The following TGFBR3 variants were observed in gnomAD, a reference collection of about 807,000 sequenced individuals.
TGFBR3 encodes the protein transforming growth factor beta receptor type 3.
A neutral mutation model predicts 87.9 loss-of-function variants in TGFBR3; 46 were observed. The ratio of observed to expected loss-of-function variants is 0.52; its 90% CI spans 0.41 to 0.67. The LOEUF (loss-of-function observed/expected upper bound fraction) is 0.67, where lower values mean the gene tolerates loss of function less well. Ranked by LOEUF, TGFBR3 falls within the 30% of genes least tolerant of loss-of-function variation. The probability of loss-of-function intolerance (pLI) is 0.00; values close to 1 mark genes in which losing one functional copy is unlikely to be tolerated. For missense variants in TGFBR3, 866 were observed against 1,041.9 expected, an observed-to-expected ratio of 0.83 and a Z score of 2.32; for synonymous variants, 381 against 391.6, an observed-to-expected ratio of 0.97 and a Z score of 0.32.
At chr1:91,748,079 C>G (rs989960056) in intron 4 of TGFBR3, among the ~76,000 whole-genome samples, 1 of 152,152 alleles carries the variant, frequency 6.6e-6, no homozygotes, top group Non-Finnish European at 1.5e-5. Flanking sequence ...GACCTAACAA[C>G]AGTTTGGGAA....
chr1:91,707,167 A>T (rs1425087762), intron 14 of TGFBR3, among the ~76,000 whole-genome samples: 2 of 152,192 alleles, frequency 1.3e-5, no homozygotes, highest in African/African-American at 2.4e-5. Flanking sequence ...GAGAAAATGA[A>T]ACCCAAAGAG....
chr1:91,718,462 C>T (rs537866325), intron 10 of TGFBR3, among the ~76,000 whole-genome samples: 1 of 139,338 alleles, frequency 7.2e-6, no homozygotes, highest in South Asian at 2.5e-4. Context: ...TAAGAAGACA[C>T]CCCCCCTCCC....
At position 91,722,164 on chromosome 1, in the gene TGFBR3, A is replaced by AG. The variant is rs556318826; in HGVS notation, c.886-21_886-20insC. 7.5e-4 allele frequency: 1,208 copies of AG among 1,607,938 alleles called. No individual in the cohort carries two copies. The highest frequency in any genetic ancestry group is 8.7e-4 in the Non-Finnish European group (1,021 of 1,174,996). ...AGGAGCCTGAAGATATAGCAAAAAA[A>AG]TCACTCATGAGTCTAAAATTAAACA... On this transcript the variant is annotated intron_variant, in intron 7 of 16. Coordinates refer to ENST00000212355, the MANE Select transcript of TGFBR3 (RefSeq NM_003243.5).
At position 91,688,704 on chromosome 1, in the gene TGFBR3, C is replaced by A. The variant is rs116636258; in HGVS notation, c.2438-4847G>T. On this transcript the variant is annotated intron_variant, in intron 16 of 16. Coordinates refer to ENST00000212355, the MANE Select transcript of TGFBR3 (RefSeq NM_003243.5). ...CAACTCATCAGGCAGTTTTCAACAA[C>A]CCTCCATGGAACACACCATGTGTTC... Among the ~76,000 whole-genome samples the A allele has an allele frequency of 4.1e-3, 620 of 152,196 alleles. 4 individuals carry two copies. The highest frequency in any genetic ancestry group is 6.6e-3 in the Non-Finnish European group (448 of 68,012).
chr1:91,761,736 T>C (rs1224580501), intron 3 of TGFBR3, among the ~76,000 whole-genome samples: 2 of 151,562 alleles, frequency 1.3e-5, no homozygotes, highest in Non-Finnish European at 2.9e-5. Flanking sequence ...CCTGGCTAAG[T>C]TGCTCAATTT....
At chr1:91,847,065 C>T (rs1184185708) in intron 2 of TGFBR3, among the ~76,000 whole-genome samples, 1 of 152,196 alleles carries the variant, frequency 6.6e-6, no homozygotes, top group African/African-American at 2.4e-5. Context: ...TCTCCAAAAA[C>T]AGTGATGAGG....
At chr1:91,786,764 A>G (rs1419636104) in intron 3 of TGFBR3, among the ~76,000 whole-genome samples, 2 of 150,854 alleles carry the variant, frequency 1.3e-5, no homozygotes, top group African/African-American at 4.9e-5. Context: ...AAAAAAAGAC[A>G]AAAAAAAAGA....
chr1:91,775,664 T>C (rs779630192), intron 3 of TGFBR3, among the ~76,000 whole-genome samples: 5 of 152,182 alleles, frequency 3.3e-5, no homozygotes, highest in Non-Finnish European at 7.3e-5. Flanking sequence ...CAAGAATATC[T>C]CCTGGGCACT....
chr1:91,899,879 G>A (rs1679653389), intron 1 of TGFBR3, among the ~76,000 whole-genome samples: 1 of 151,452 alleles, frequency 6.6e-6, no homozygotes, highest in South Asian at 2.1e-4. Context: ...TTAGCCAGGA[G>A]TTGAAGACTA....
At position 91,875,790 on chromosome 1, in the gene TGFBR3, G is replaced by C. The variant is rs1162479125; in HGVS notation, c.-114+10088C>G. 1.7e-4 allele frequency among the ~76,000 whole-genome samples: 10 copies of C among 58,898 alleles called. 2 individuals carry two copies. Among genetic ancestry groups the C allele is most frequent in the African/African-American group, 2.9e-4 (6 of 20,886 alleles). The allele number at this position is 58,898 out of a possible 152,430, so 38.6% of individuals were successfully genotyped here. ...GTAATCCCAGCTACTCGGGCGGGGGGGGGGGGTGGGAGTGTGCAGCTGAGG... is the reference window on the plus strand; with the variant it reads ...GTAATCCCAGCTACTCGGGCGGGGGCGGGGGGTGGGAGTGTGCAGCTGAGG... On this transcript the variant is annotated intron_variant, in intron 1 of 16. Coordinates refer to ENST00000212355, the MANE Select transcript of TGFBR3 (RefSeq NM_003243.5).
Position 91,682,041 on chromosome 1 carries a change from T to C in TGFBR3, c.*1698A>G, listed in dbSNP as rs1334572696. The C allele has an allele frequency of 4.4e-6, 2 of 453,766 alleles. No individual in the cohort carries two copies. The highest frequency in any genetic ancestry group is 4.7e-5 in the Admixed American group (2 of 42,540). The allele number at this position is 453,766 out of a possible 1,614,324, so 28.1% of individuals were successfully genotyped here. The stretch of plus-strand genomic sequence containing the variant: ...GTAATGTTTTAGTTAAAATGTTCCT[T>C]ATTGAAAAAAAAAAATGTTCCTTAT... On this transcript the variant is annotated 3_prime_UTR_variant, in exon 17 of 17. Coordinates refer to ENST00000212355, the MANE Select transcript of TGFBR3 (RefSeq NM_003243.5).
At chr1:91,760,440 G>A (rs1227081993) in intron 3 of TGFBR3, among the ~76,000 whole-genome samples, 1 of 152,040 alleles carries the variant, frequency 6.6e-6, no homozygotes, top group Non-Finnish European at 1.5e-5. Flanking sequence ...AAAAAACTGT[G>A]CTTAACATAG....
chr1:91,874,592 G>A (rs1252681527), intron 1 of TGFBR3, among the ~76,000 whole-genome samples: 2 of 152,116 alleles, frequency 1.3e-5, no homozygotes, highest in African/African-American at 4.8e-5. Flanking sequence ...CCGTCTCCTG[G>A]GTTCAAGCGA....
intron 3 of TGFBR3, among the ~76,000 whole-genome samples, chr1:91,773,505 C>T (rs914855443): frequency 1.7e-4 from 26 of 152,106 alleles, no homozygotes; most frequent in African/African-American, 6.0e-4. Context: ...TATGGTGAAA[C>T]CCCGTCTCTA....
intron 2 of TGFBR3, among the ~76,000 whole-genome samples, chr1:91,809,542 G>A (rs1305254042): frequency 6.6e-6 from 1 of 152,158 alleles, no homozygotes; most frequent in East Asian, 1.9e-4. Context: ...GGAGACCATG[G>A]ATTAAAAAAG....
intron 2 of TGFBR3, among the ~76,000 whole-genome samples, chr1:91,834,128 C>T (rs1031392689): frequency 6.6e-6 from 1 of 152,090 alleles, no homozygotes; most frequent in Non-Finnish European, 1.5e-5. Context: ...TTTAACAATT[C>T]ATGTTTCTGG....
chr1:91,727,819 G>C lies in TGFBR3; in HGVS notation c.738-13C>G. Reference sequence around the variant, plus strand: ...CACCTGGAAAGCACTGTGAATGGAAGACAAAGGCAAAGTTAAGACCTACAT... The same window carrying C: ...CACCTGGAAAGCACTGTGAATGGAACACAAAGGCAAAGTTAAGACCTACAT... On this transcript the variant is annotated splice_polypyrimidine_tract_variant and intron_variant, in intron 6 of 16. Transcript: ENST00000212355. 6.2e-7 allele frequency: 1 copy of C among 1,613,468 alleles called. No individual in the cohort carries two copies. The highest frequency in any genetic ancestry group is 8.5e-7 in the Non-Finnish European group (1 of 1,179,940).
In TGFBR3 at chr1:91,878,550, C is replaced by T. The variant is rs149706213; in HGVS notation, c.-114+7328G>A. Among the ~76,000 whole-genome samples the T allele has an allele frequency of 4.9e-3, 750 of 152,310 alleles. 6 individuals carry two copies. Among genetic ancestry groups the T allele is most frequent in the African/African-American group, 9.5e-3 (395 of 41,568 alleles). On this transcript the variant is annotated intron_variant, in intron 1 of 16. Transcript: ENST00000212355. Reference sequence around the variant, plus strand: ...AAAAGAAATCCAGAGTTCTACTAGACCCTCCACCTGGCCCATTTGATGTTC... The same window carrying T: ...AAAAGAAATCCAGAGTTCTACTAGATCCTCCACCTGGCCCATTTGATGTTC...
intron 4 of TGFBR3, 89 bp from the exon 5 acceptor site, chr1:91,735,048 T>C: frequency 1.4e-6 from 2 of 1,467,260 alleles, no homozygotes; most frequent in Non-Finnish European, 9.5e-7. Flanking sequence ...TCGAAGTGCT[T>C]GTAAATCGAA....
Sources: allele counts gnomAD v4.1 joint callset (sites outside exome capture counted in the v4.1 genomes callset), GRCh38; gene constraint gnomAD v4.1.1; transcripts MANE v1.5; gene names NCBI Gene and HGNC (gene_info 2026-07-23, HGNC 2026-07-21).